NELL1: variants seen among roughly 807,000 people sequenced by gnomAD.
NELL1 encodes neural EGFL like 1, also known as protein kinase C-binding protein NELL1.
In NELL1, 76 loss-of-function variants were observed where a neutral mutation model predicts 107.4. That is an observed-to-expected ratio of 0.71 (90% CI 0.59 to 0.86). The LOEUF (loss-of-function observed/expected upper bound fraction) is 0.86. Among genes scored for constraint, NELL1 ranks in the 40% least tolerant of loss-of-function variants. NELL1 has a pLI of 0.00. For synonymous variants in NELL1, 353 were observed against 341.2 expected (o/e 1.03, Z -0.38); for missense variants, 1,024 against 1,005.5 (o/e 1.02, Z -0.25).
intron 15 of NELL1, among the ~76,000 whole-genome samples, chr11:21,399,407 G>A (rs895971788): frequency 6.6e-6 from 1 of 151,672 alleles, no homozygotes; most frequent in African/African-American, 2.4e-5. Flanking sequence ...CCAGACACAG[G>A]AACACCTTTG....
intron 13 of NELL1, among the ~76,000 whole-genome samples, chr11:21,186,421 C>G (rs1204269939): frequency 6.6e-6 from 1 of 151,894 alleles, no homozygotes; most frequent in Non-Finnish European, 1.5e-5. Flanking sequence ...TACCCAGACT[C>G]AGAATCCATT....
intron 14 of NELL1, among the ~76,000 whole-genome samples, chr11:21,309,273 T>C (rs1177164111): frequency 1.2e-4 from 3 of 24,048 alleles, no homozygotes; most frequent in African/African-American, 3.7e-4. Flanking sequence ...TATATATATA[T>C]ATATATGTAT....
chr11:20,699,754 A>G (rs1050597864), intron 2 of NELL1, among the ~76,000 whole-genome samples: 1 of 152,192 alleles, frequency 6.6e-6, no homozygotes, highest in Admixed American at 6.5e-5. Context: ...TGCATGTGCA[A>G]GTTTCTTTTT....
At chr11:21,240,602 T>C (rs1858327798) in intron 14 of NELL1, among the ~76,000 whole-genome samples, 1 of 152,014 alleles carries the variant, frequency 6.6e-6, no homozygotes, top group African/African-American at 2.4e-5. Flanking sequence ...GTATTTTCAG[T>C]CTTGAACCCA....
intron 13 of NELL1, among the ~76,000 whole-genome samples, chr11:21,163,404 T>G (rs1856415119): frequency 6.6e-6 from 1 of 152,152 alleles, no homozygotes; most frequent in Non-Finnish European, 1.5e-5. Context: ...GGAAGGATGA[T>G]GATAGTCAGA....
intron 16 of NELL1, among the ~76,000 whole-genome samples, chr11:21,548,423 C>T (rs969571438): frequency 1.3e-5 from 2 of 151,852 alleles, no homozygotes; most frequent in African/African-American, 4.8e-5. Context: ...CACAGTTCCA[C>T]ATGGCTGGGG....
chr11:20,745,037 T>A (rs925111070), intron 2 of NELL1, among the ~76,000 whole-genome samples: 1 of 152,186 alleles, frequency 6.6e-6, no homozygotes, highest in African/African-American at 2.4e-5. Context: ...ATTACCCTAT[T>A]TTATCTTTTC....
At chr11:20,927,512 C>A (rs550609634) in intron 8 of NELL1, 70 bp downstream of exon 8, 3 of 1,431,656 alleles carry the variant, frequency 2.1e-6, no homozygotes, top group Admixed American at 2.3e-5. Flanking sequence ...TAGAGTGTAA[C>A]CTGGTTCTTT....
At chr11:20,859,284 A>G (rs1848935803) in intron 4 of NELL1, among the ~76,000 whole-genome samples, 12 of 152,192 alleles carry the variant, frequency 7.9e-5, no homozygotes, top group Admixed American at 7.9e-4. Context: ...AATTCCAAGT[A>G]TAGCTGATCA....
chr11:20,786,894 G>C (rs1856974738), intron 3 of NELL1, among the ~76,000 whole-genome samples: 1 of 149,794 alleles, frequency 6.7e-6, no homozygotes, highest in Admixed American at 6.7e-5. Context: ...TGTAGTCCCA[G>C]CTACTTGGGA....
At chr11:21,555,730 C>G (rs562646754) in intron 16 of NELL1, among the ~76,000 whole-genome samples, 1 of 151,996 alleles carries the variant, frequency 6.6e-6, no homozygotes, top group South Asian at 2.1e-4. Flanking sequence ...ATAGATGAAG[C>G]TATCTCTAAC....
At chr11:21,315,022 A>C (rs949912630) in intron 14 of NELL1, among the ~76,000 whole-genome samples, 1 of 151,964 alleles carries the variant, frequency 6.6e-6, no homozygotes. Flanking sequence ...ACACCCAGAT[A>C]ATTTTTGTAT....
At chr11:20,889,124 T>A (rs1302939266) in intron 5 of NELL1, among the ~76,000 whole-genome samples, 1 of 151,980 alleles carries the variant, frequency 6.6e-6, no homozygotes, top group East Asian at 1.9e-4. Flanking sequence ...GAGGGAAGAA[T>A]TTTTTTTGGC....
At chr11:21,149,489 C>G (rs1856065256) in intron 13 of NELL1, among the ~76,000 whole-genome samples, 1 of 152,148 alleles carries the variant, frequency 6.6e-6, no homozygotes, top group Non-Finnish European at 1.5e-5. Context: ...TTTATGAAAC[C>G]ATCAGATGTC....
At chr11:21,518,942 C>T (rs1422790270) in intron 15 of NELL1, among the ~76,000 whole-genome samples, 1 of 152,146 alleles carries the variant, frequency 6.6e-6, no homozygotes, top group African/African-American at 2.4e-5. Context: ...CTTTAATTCT[C>T]TCTCATGACA....
intron 13 of NELL1, among the ~76,000 whole-genome samples, chr11:21,166,757 G>A (rs931612633): frequency 2.0e-5 from 3 of 151,920 alleles, no homozygotes; most frequent in African/African-American, 7.3e-5. Context: ...GGAAAAAAGA[G>A]CATGTGACAA....
intron 15 of NELL1, among the ~76,000 whole-genome samples, chr11:21,451,362 CTGAGACTGGGAT>C (rs1853581150): frequency 6.6e-6 from 1 of 152,008 alleles, no homozygotes; most frequent in Non-Finnish European, 1.5e-5. Flanking sequence ...GATTATGGAC[CTGAGACTGGGAT>C]TGGTTCAGCA....
chr11:20,876,717 C>G lies in NELL1; in HGVS notation c.507-8727C>G, dbSNP rs185907387. 5.1e-4 allele frequency among the ~76,000 whole-genome samples: 77 copies of G among 152,178 alleles called. 1 individual carries two copies. Among genetic ancestry groups the G allele is most frequent in the Non-Finnish European group, 4.0e-4 (27 of 68,010 alleles). On this transcript the variant is annotated intron_variant, in intron 4 of 19. Transcript: ENST00000357134. ...AAGGCAGAGCTTGCAGAGCTGAGAT[C>G]GCGCCACTGCACTACAGCCTGGGGG...
intron 15 of NELL1, among the ~76,000 whole-genome samples, chr11:21,418,747 TAAG>T (rs1852582247): frequency 6.6e-6 from 1 of 152,146 alleles, no homozygotes; most frequent in Non-Finnish European, 1.5e-5. Flanking sequence ...TAATTTCTGA[TAAG>T]AAGCTTTAAA....
Sources: allele counts gnomAD v4.1 joint callset (sites outside exome capture counted in the v4.1 genomes callset), GRCh38; gene constraint gnomAD v4.1.1; transcripts MANE v1.5; gene names NCBI Gene and HGNC (gene_info 2026-07-23, HGNC 2026-07-21).